ANXA10: variants seen among roughly 807,000 people sequenced by gnomAD.
ANXA10 encodes annexin A10.
A neutral mutation model predicts 53.5 loss-of-function variants in ANXA10; 49 were observed. The observed-to-expected ratio is 0.92, with a 90% CI of 0.73 to 1.16. The LOEUF is 1.16. ANXA10 is among the 50% of genes most tolerant of loss of function. The probability of loss-of-function intolerance (pLI) is 0.00; values close to 1 mark genes in which losing one functional copy is unlikely to be tolerated. For missense variants in ANXA10, 393 were observed against 394.4 expected, an observed-to-expected ratio of 1.00 and a Z score of 0.03; for synonymous variants, 131 against 128.9, an observed-to-expected ratio of 1.02 and a Z score of -0.11.
At position 168,179,210 on chromosome 4, in the gene ANXA10, G is replaced by A; in HGVS notation, c.629-7G>A. 6.4e-7 allele frequency: 1 copy of A among 1,569,074 alleles called. No homozygotes were observed. The highest frequency in any genetic ancestry group is 8.7e-7 in the Non-Finnish European group (1 of 1,143,472). Reference sequence around the variant, plus strand: ...AATCTCCTTTGAATTACATCAATTTGTTAAAGTTTTCCAGGAATTTCAAAA... The same window carrying A: ...AATCTCCTTTGAATTACATCAATTTATTAAAGTTTTCCAGGAATTTCAAAA... On this transcript the variant is annotated splice_polypyrimidine_tract_variant and splice_region_variant and intron_variant, in intron 8 of 11. Coordinates refer to ENST00000359299, the MANE Select transcript of ANXA10 (RefSeq NM_007193.5).
intron 3 of ANXA10, among the ~76,000 whole-genome samples, chr4:168,150,961 G>A (rs1223547440): frequency 1.3e-5 from 2 of 152,172 alleles, no homozygotes; most frequent in Non-Finnish European, 2.9e-5. Context: ...AGGAAAGAAA[G>A]GCAGTGAGCT....
chr4:168,101,433 G>A (rs1730637551), intron 1 of ANXA10, among the ~76,000 whole-genome samples: 1 of 150,146 alleles, frequency 6.7e-6, no homozygotes, highest in African/African-American at 2.4e-5. Flanking sequence ...GTGGCCATTG[G>A]GAACACTTTT....
At position 168,128,190 on chromosome 4, in the gene ANXA10, T is replaced by C. The variant is rs200157945; in HGVS notation, c.100+25T>C. ...GGTAAGTCTGATTATTTCTACCATC[T>C]TTTATTGTGATTATTTTTTGCTTTA... On this transcript the variant is annotated intron_variant, in intron 2 of 11. Coordinates refer to ENST00000359299, the MANE Select transcript of ANXA10 (RefSeq NM_007193.5). 9 of 1,583,094 alleles carry C rather than the reference T, an allele frequency of 5.7e-6. No homozygotes were observed. In the Admixed American group the frequency reaches 1.0e-4, roughly 18 times the overall value.
chr4:168,155,969 TTA>T lies in ANXA10; in HGVS notation c.196-6555_196-6554del, dbSNP rs1159448747. ...AATATATGATATATCATATATTATA[TTA>T]TATGATATATCATATATTATACATA... is the stretch of plus-strand genomic sequence containing the variant. On this transcript the variant is annotated intron_variant, in intron 3 of 11. Coordinates refer to ENST00000359299, the MANE Select transcript of ANXA10 (RefSeq NM_007193.5). Among the ~76,000 whole-genome samples the T allele has an allele frequency of 3.4e-5, 2 of 59,076 alleles. 1 individual carries two copies. The highest frequency in any genetic ancestry group is 1.6e-4 in the African/African-American group (2 of 12,730). 38.8% of individuals were successfully genotyped at this position (59,076 alleles called of 152,430 possible).
At chr4:168,165,127 C>A in intron 5 of ANXA10, 120 bp from the exon 6 acceptor site, 1 of 483,486 alleles carries the variant, frequency 2.1e-6, no homozygotes, top group Non-Finnish European at 3.6e-6. Flanking sequence ...GAAATGTCAA[C>A]AGGTGGACTA....
intron 6 of ANXA10, among the ~76,000 whole-genome samples, chr4:168,177,512 C>T (rs570078355): frequency 6.6e-6 from 1 of 152,106 alleles, no homozygotes; most frequent in Non-Finnish European, 1.5e-5. Flanking sequence ...TCAAACATTA[C>T]CAGTGCTGCA....
At chr4:168,146,858 T>C (rs960898676) in intron 3 of ANXA10, among the ~76,000 whole-genome samples, 39 of 152,236 alleles carry the variant, frequency 2.6e-4, no homozygotes, top group African/African-American at 9.4e-4. Context: ...ATTGAGTTTA[T>C]CAAAGGGAAC....
At chr4:168,103,513 T>A (rs1227645910) in intron 1 of ANXA10, among the ~76,000 whole-genome samples, 2 of 151,988 alleles carry the variant, frequency 1.3e-5, no homozygotes, top group African/African-American at 4.8e-5. Flanking sequence ...AATCGAGCTA[T>A]ACTTCAATAT....
intron 5 of ANXA10, 138 bp from the exon 6 acceptor site, chr4:168,165,109 T>C (rs1457568358): frequency 2.3e-6 from 1 of 439,960 alleles, no homozygotes; most frequent in Non-Finnish European, 4.1e-6. Context: ...AGACGGTTTA[T>C]TGACAAAGAA....
At chr4:168,143,178 G>A (rs191133529) in intron 3 of ANXA10, among the ~76,000 whole-genome samples, 13 of 152,150 alleles carry the variant, frequency 8.5e-5, no homozygotes, top group African/African-American at 2.9e-4. Context: ...CCATCAGTAA[G>A]GTCTTCTTGA....
At chr4:168,127,173 T>C (rs1226832579) in intron 1 of ANXA10, among the ~76,000 whole-genome samples, 1 of 152,132 alleles carries the variant, frequency 6.6e-6, no homozygotes, top group African/African-American at 2.4e-5. Context: ...AGTGTGATTA[T>C]ATGGTGCCTA....
At chr4:168,119,908 G>T (rs1730957615) in intron 1 of ANXA10, among the ~76,000 whole-genome samples, 2 of 151,982 alleles carry the variant, frequency 1.3e-5, no homozygotes, top group African/African-American at 4.8e-5. Context: ...AGATAAATTT[G>T]GATTCAAGCT....
intron 3 of ANXA10, among the ~76,000 whole-genome samples, chr4:168,158,236 T>G (rs1406791278): frequency 1.3e-5 from 2 of 152,186 alleles, no homozygotes; most frequent in African/African-American, 4.8e-5. Context: ...ATTCCCAGTT[T>G]GTAAGTTTTA....
chr4:168,176,327 G>A (rs1732126246), intron 6 of ANXA10, among the ~76,000 whole-genome samples: 1 of 152,056 alleles, frequency 6.6e-6, no homozygotes, highest in African/African-American at 2.4e-5. Context: ...TCTTACTTAG[G>A]TCAGAGCCAA....
intron 1 of ANXA10, among the ~76,000 whole-genome samples, chr4:168,115,668 T>C (rs1730882380): frequency 6.6e-6 from 1 of 152,310 alleles, no homozygotes; most frequent in Non-Finnish European, 1.5e-5. Flanking sequence ...CTTAATAGTA[T>C]ATGTTATTTT....
chr4:168,180,492 G>GAT (rs148646255), intron 9 of ANXA10, among the ~76,000 whole-genome samples: 76 of 152,308 alleles, frequency 5.0e-4, no homozygotes, highest in Non-Finnish European at 9.8e-4. Flanking sequence ...CATTTCAACT[G>GAT]ATTTATTCAC....
In ANXA10 at chr4:168,181,522, AT is replaced by A. The variant is rs370927015; in HGVS notation, c.725-154del. Among the ~76,000 whole-genome samples, 57 of 152,200 alleles carry A rather than the reference AT, an allele frequency of 3.7e-4. 1 individual carries two copies. In the East Asian group the frequency reaches 8.3e-3, roughly 22 times the overall value. ...ACTCATTATAATGTTGTTGCTTTAT[AT>A]TTTTTTCCTGTGGCTTATAGTGTTA... On this transcript the variant is annotated intron_variant, in intron 9 of 11. Coordinates refer to ENST00000359299, the MANE Select transcript of ANXA10 (RefSeq NM_007193.5).
intron 2 of ANXA10, among the ~76,000 whole-genome samples, chr4:168,128,532 C>T (rs1221697300): frequency 6.6e-6 from 1 of 152,048 alleles, no homozygotes; most frequent in African/African-American, 2.4e-5. Context: ...TTGCTATTTC[C>T]ACTTCCAGTC....
intron 1 of ANXA10, among the ~76,000 whole-genome samples, chr4:168,119,105 G>A (rs2149467975): frequency 6.6e-6 from 1 of 152,142 alleles, no homozygotes; most frequent in Non-Finnish European, 1.5e-5. Context: ...CAATGTGTAA[G>A]ATTCTATCTC....
Sources: gnomAD v4.1 joint callset for allele counts (sites outside exome capture counted in the v4.1 genomes callset) on GRCh38, gnomAD v4.1.1 for gene constraint, MANE v1.5 for transcripts, NCBI Gene and HGNC (gene_info 2026-07-23, HGNC 2026-07-21) for gene names.